ITFG2: variants seen among roughly 807,000 people sequenced by gnomAD.
ITFG2 encodes integrin alpha FG-GAP repeat containing 2.
In ITFG2, 36 loss-of-function variants were observed where a neutral mutation model predicts 54.4. The observed-to-expected ratio is 0.66, with a 90% confidence interval of 0.51 to 0.87. The LOEUF (loss-of-function observed/expected upper bound fraction) is 0.87, where lower values mean the gene tolerates loss of function less well. Ranked by LOEUF, ITFG2 falls within the 40% of genes least tolerant of loss-of-function variation. The pLI is 0.00. For missense variants in ITFG2, 524 were observed against 576.7 expected, an observed-to-expected ratio of 0.91 and a Z score of 0.94; for synonymous variants, 211 against 225.4, an observed-to-expected ratio of 0.94 and a Z score of 0.57.
chr12:2,827,659 A>C, downstream of ITFG2: 1 of 1,614,146 alleles, frequency 6.2e-7, no homozygotes, highest in Non-Finnish European at 8.5e-7. The surrounding 1 kb of genome is among the most constrained non-coding windows in gnomAD (Gnocchi z 4.0). Context: ...GCCCAGGCAG[A>C]ATTCAGGACT....
intron 1 of ITFG2, among the ~76,000 whole-genome samples, chr12:2,815,133 C>T (rs925396973): frequency 7.9e-5 from 12 of 152,104 alleles, no homozygotes; most frequent in Admixed American, 3.9e-4. Context: ...CGTGAGCCAC[C>T]GCGCCCAGCC....
Position 2,824,915 on chromosome 12 carries a change from A to C in ITFG2, c.*722A>C, listed in dbSNP as rs1001987471. ...GATGCGGGTTTATGATCCAGACCAC[A>C]ATCAGAATTATATCTTGGGTCATTT... is the stretch of plus-strand genomic sequence containing the variant. On this transcript the variant is annotated 3_prime_UTR_variant, in exon 12 of 12. Coordinates refer to ENST00000228799, the MANE Select transcript of ITFG2 (RefSeq NM_018463.4). 6.6e-6 allele frequency: 1 copy of C among 152,426 alleles called. No individual in the cohort carries two copies. The highest frequency in any genetic ancestry group is 2.4e-5 in the African/African-American group (1 of 41,426). The allele number at this position is 152,426 out of a possible 1,614,324, so 9.4% of individuals were successfully genotyped here.
At chr12:2,818,035 G>T in intron 3 of ITFG2, 71 bp from the exon 4 acceptor site, 1 of 1,609,174 alleles carries the variant, frequency 6.2e-7, no homozygotes, top group Non-Finnish European at 8.5e-7. Context: ...TGACCTCTGT[G>T]ATCTGATGAT....
At chr12:2,833,013 C>T (rs1199848917), upstream of ITFG2, among the ~76,000 whole-genome samples, 1 of 151,926 alleles carries the variant, frequency 6.6e-6, no homozygotes, top group Non-Finnish European at 1.5e-5. Flanking sequence ...CTTCAGGCCC[C>T]TCCCGCTGTT....
At chr12:2,835,942 C>T (rs377482132), upstream of ITFG2, among the ~76,000 whole-genome samples, 5 of 152,326 alleles carry the variant, frequency 3.3e-5, no homozygotes, top group East Asian at 9.6e-4. Context: ...GAGATTCATC[C>T]ATACGGTATG....
rs753556599 is a variant in ITFG2, at chr12:2,859,649, C to T, written n.736C>T. On this transcript the variant is annotated non_coding_transcript_exon_variant, in exon 4 of 4. Coordinates refer to the ITFG2 transcript ENST00000537710. ...CAGAAGAAAGAGGAGCTATCCCCTC[C>T]TCAGCTAGCAGCACCTGAAAGGGAA... 144 of 1,606,638 alleles carry T rather than the reference C, an allele frequency of 9.0e-5. 1 individual carries two copies. Among genetic ancestry groups the T allele is most frequent in the Non-Finnish European group, 3.1e-5 (36 of 1,177,414 alleles).
At chr12:2,823,472 A>C (rs1338187160) in intron 10 of ITFG2, among the ~76,000 whole-genome samples, 4 of 152,242 alleles carry the variant, frequency 2.6e-5, no homozygotes, top group African/African-American at 9.6e-5. Flanking sequence ...GAGCAATGCC[A>C]TCCCTCATCA....
intron 6 of ITFG2, 120 bp downstream of exon 6, chr12:2,820,992 C>A: frequency 9.4e-7 from 1 of 1,061,192 alleles, no homozygotes; most frequent in Non-Finnish European, 1.4e-6. Context: ...TAGGTCCCAA[C>A]CCAAGCACCT....
In ITFG2 at chr12:2,821,540, C is replaced by G; in HGVS notation, c.794-3C>G. ...TTACATATTCTTCCTCTGGTCCTCA[C>G]AGGCCACGGCACTGAGAGTAGTGGC... On this transcript the variant is annotated splice_region_variant and splice_polypyrimidine_tract_variant and intron_variant, in intron 7 of 11. Transcript: ENST00000228799. 6.2e-7 allele frequency: 1 copy of G among 1,614,148 alleles called. No homozygotes were observed. Among genetic ancestry groups the G allele is most frequent in the Non-Finnish European group, 8.5e-7 (1 of 1,179,996 alleles).
At chr12:2,828,066 G>T (rs776952809), downstream of ITFG2, 1 of 1,602,242 alleles carries the variant, frequency 6.2e-7, no homozygotes, top group Admixed American at 1.7e-5. Context: ...GGGAAGCAAG[G>T]GTTATGGCTA....
intron 2 of ITFG2, among the ~76,000 whole-genome samples, chr12:2,855,989 A>G (rs1423640297): frequency 6.6e-6 from 1 of 152,064 alleles, no homozygotes; most frequent in African/African-American, 2.4e-5. Flanking sequence ...ACTCCTCATT[A>G]AAACGCTAGT....
intron 2 of ITFG2, among the ~76,000 whole-genome samples, chr12:2,854,642 C>G (rs1293692801): frequency 6.6e-6 from 1 of 152,232 alleles, no homozygotes; most frequent in African/African-American, 2.4e-5. Flanking sequence ...AGTCACACTT[C>G]TCTGTGTCCC....
At chr12:2,857,094 C>T (rs1468057748) in intron 2 of ITFG2, 1 of 702,568 alleles carries the variant, frequency 1.4e-6, no homozygotes, top group Non-Finnish European at 2.6e-6. Flanking sequence ...ATTGTTTACT[C>T]CTGGGGTTGC....
chr12:2,849,592 G>A (rs774399138), intron 2 of ITFG2: 58 of 1,497,100 alleles, frequency 3.9e-5, no homozygotes, highest in East Asian at 2.0e-4. Context: ...GTGGAGAGAC[G>A]GGGAAGGGGA....
At chr12:2,849,300 G>C (rs1440946415) in intron 2 of ITFG2, 1 of 1,536,022 alleles carries the variant, frequency 6.5e-7, no homozygotes, top group Non-Finnish European at 8.7e-7. Context: ...TGGAGAGATG[G>C]TGGAGGGGTA....
At chr12:2,829,860 C>G (rs2097991388), downstream of ITFG2, among the ~76,000 whole-genome samples, 1 of 127,142 alleles carries the variant, frequency 7.9e-6, no homozygotes, top group Non-Finnish European at 1.7e-5. Flanking sequence ...GATGGATCAC[C>G]TGAGGTCAGG....
chr12:2,827,713 G>T (rs1565425310), downstream of ITFG2: 2 of 1,613,442 alleles, frequency 1.2e-6, no homozygotes, highest in Non-Finnish European at 1.7e-6. The surrounding 1 kb of genome is among the most constrained non-coding windows in gnomAD (Gnocchi z 4.0). Flanking sequence ...GAGGCTGAGG[G>T]TTCCCAGTGG....
At chr12:2,837,215 C>T (rs549978262) in intron 1 of ITFG2, among the ~76,000 whole-genome samples, 8 of 152,216 alleles carry the variant, frequency 5.3e-5, no homozygotes, top group African/African-American at 1.9e-4. Flanking sequence ...CGGTGGCTCA[C>T]GCCTGTAATC....
intron 4 of ITFG2, chr12:2,819,882 G>A (rs374000969): frequency 4.1e-6 from 2 of 493,340 alleles, no homozygotes; most frequent in African/African-American, 1.9e-5. Context: ...AAGGCAGAGA[G>A]CGGATAGGAG....
Sources: allele counts gnomAD v4.1 joint callset (sites outside exome capture counted in the v4.1 genomes callset), GRCh38; gene constraint gnomAD v4.1.1; non-coding constraint Gnocchi (gnomAD v3.1); transcripts MANE v1.5; gene names NCBI Gene and HGNC (gene_info 2026-07-23, HGNC 2026-07-21).